PCDHGA2: variants seen among roughly 807,000 people sequenced by gnomAD.
PCDHGA2 encodes the protein protocadherin gamma subfamily A, 2, also known as protocadherin gamma-A2.
A neutral mutation model predicts 59.2 loss-of-function variants in PCDHGA2; 40 were observed. The observed-to-expected ratio is 0.68, with a 90% CI of 0.52 to 0.88. PCDHGA2 has a LOEUF of 0.88. PCDHGA2 is among the 40% of genes least tolerant of loss of function. The pLI, the probability that PCDHGA2 is intolerant of heterozygous loss-of-function variation, is 0.00. For synonymous variants in PCDHGA2, 560 were observed against 526.0 expected, an observed-to-expected ratio of 1.06 and a Z score of -0.89; for missense variants, 1,226 against 1,204.0, an observed-to-expected ratio of 1.02 and a Z score of -0.27.
chr5:141,413,197 T>C (rs1429088178), intron 1 of PCDHGA2: 1 of 1,611,552 alleles, frequency 6.2e-7, no homozygotes, highest in Non-Finnish European at 8.5e-7. Flanking sequence ...AAGGAATCGC[T>C]CAAAGGAATC....
At chr5:141,381,038 T>G (rs1422573690) in intron 1 of PCDHGA2, among the ~76,000 whole-genome samples, 1 of 152,262 alleles carries the variant, frequency 6.6e-6, no homozygotes, top group Non-Finnish European at 1.5e-5. Context: ...TTAAACAAAA[T>G]TTATCTACTT....
At chr5:141,498,220 G>T (rs1562182972) in intron 2 of PCDHGA2, among the ~76,000 whole-genome samples, 1 of 152,222 alleles carries the variant, frequency 6.6e-6, no homozygotes, top group Non-Finnish European at 1.5e-5. Flanking sequence ...GAGCATTCCA[G>T]ATGGTCAGGC....
intron 1 of PCDHGA2, chr5:141,430,974 C>G: frequency 6.2e-7 from 1 of 1,613,072 alleles, no homozygotes; most frequent in East Asian, 2.2e-5. Flanking sequence ...AGAGGTAGGA[C>G]GCAGCTTTTC....
intron 1 of PCDHGA2, chr5:141,410,447 C>T (rs760711107): frequency 3.1e-6 from 5 of 1,613,984 alleles, no homozygotes; most frequent in African/African-American, 2.7e-5. Context: ...GGGGACTTTG[C>T]CTTATTCTTA....
Position 141,489,828 on chromosome 5 carries a change from A to G in PCDHGA2, c.2425-4979A>G. The G allele has an allele frequency of 1.9e-6, 3 of 1,614,010 alleles. No homozygotes were observed. The highest frequency in any genetic ancestry group is 1.1e-5 in the South Asian group (1 of 91,080). ...GGAAGCCATTCCCAGAGCTGGTGCTAGAGCAGCAGCTGGATCGTGAAGCCC... is the reference window on the plus strand; with the variant it reads ...GGAAGCCATTCCCAGAGCTGGTGCTGGAGCAGCAGCTGGATCGTGAAGCCC... On this transcript the variant is annotated intron_variant, in intron 1 of 3. Transcript: ENST00000394576. The surrounding 1 kb of genome is among the most constrained non-coding windows in gnomAD (Gnocchi z 4.5).
At chr5:141,346,231 C>G (rs1258015592) in intron 1 of PCDHGA2, 3 of 1,614,200 alleles carry the variant, frequency 1.9e-6, no homozygotes, top group Non-Finnish European at 2.5e-6. Flanking sequence ...GGCGGCTTGG[C>G]GAGTACGCCC....
chr5:141,489,354 G>A lies in PCDHGA2; in HGVS notation c.2425-5453G>A, dbSNP rs773010251. On this transcript the variant is annotated intron_variant, in intron 1 of 3. Coordinates refer to ENST00000394576, the MANE Select transcript of PCDHGA2 (RefSeq NM_018915.4). The surrounding 1 kb of genome is among the most constrained non-coding windows in gnomAD (Gnocchi z 4.5). ...AGCTTCGTTACTCAGTGGTGGAGGA[G>A]TCTGAGCCGGGGACGCTGGTGGGGA... The A allele has an allele frequency of 1.2e-5, 19 of 1,612,796 alleles. No homozygotes were observed. Among genetic ancestry groups the A allele is most frequent in the East Asian group, 2.2e-5 (1 of 44,868 alleles).
Position 141,443,643 on chromosome 5 carries a change from A to C in PCDHGA2, c.2425-51164A>C, listed in dbSNP as rs188777289. The stretch of plus-strand genomic sequence containing the variant: ...GTGATTGTAAAAATTGATCCAGATA[A>C]TGTTAGCATAGCATTTTACTGAACT... On this transcript the variant is annotated intron_variant, in intron 1 of 3. Coordinates refer to ENST00000394576, the MANE Select transcript of PCDHGA2 (RefSeq NM_018915.4). Among the ~76,000 whole-genome samples, 238 of 152,370 alleles carry C rather than the reference A, an allele frequency of 1.6e-3. 2 individuals are homozygous for C. The highest frequency in any genetic ancestry group is 2.5e-3 in the Non-Finnish European group (169 of 68,028).
chr5:141,345,743 C>T (rs745630768), intron 1 of PCDHGA2: 53 of 1,614,112 alleles, frequency 3.3e-5, no homozygotes, highest in African/African-American at 6.7e-5. Flanking sequence ...TCCCCACAGA[C>T]GGTTCCACTG....
chr5:141,412,233 A>G (rs866840267), intron 1 of PCDHGA2: 4 of 152,256 alleles, frequency 2.6e-5, no homozygotes, highest in Admixed American at 6.5e-5. Context: ...TTAAAAACCT[A>G]TATCACTACA....
chr5:141,412,902 T>G, intron 1 of PCDHGA2: 1 of 371,284 alleles, frequency 2.7e-6, no homozygotes, highest in East Asian at 4.2e-5. Flanking sequence ...TACTTTCCAT[T>G]GCATGTATCA....
chr5:141,375,522 A>C, intron 1 of PCDHGA2: 1 of 1,614,010 alleles, frequency 6.2e-7, no homozygotes, highest in Non-Finnish European at 8.5e-7. Flanking sequence ...CTGGACCCTG[A>C]CGTGGACCAG....
At chr5:141,492,834 G>A (rs544218873) in intron 1 of PCDHGA2, among the ~76,000 whole-genome samples, 7 of 152,214 alleles carry the variant, frequency 4.6e-5, no homozygotes, top group African/African-American at 1.7e-4. Context: ...CCTTCCTCCC[G>A]CAGGAAGTGA....
In PCDHGA2 at chr5:141,344,373, T is replaced by C. The variant is rs201625446; in HGVS notation, c.2424+2978T>C. On this transcript the variant is annotated intron_variant, in intron 1 of 3. Coordinates refer to ENST00000394576, the MANE Select transcript of PCDHGA2 (RefSeq NM_018915.4). ...AATTAACATTCTGGTTGAGGATAAA[T>C]TGAAAATTTTTGAAGTAGAAATAGA... 171 of 1,613,170 alleles carry C rather than the reference T, an allele frequency of 1.1e-4. 1 individual carries two copies. The African/African-American group carries it at 1.5e-3, about 14-fold the overall frequency.
chr5:141,434,820 G>A (rs953824837), intron 1 of PCDHGA2, among the ~76,000 whole-genome samples: 1 of 151,302 alleles, frequency 6.6e-6, no homozygotes, highest in Admixed American at 6.6e-5. Flanking sequence ...ATATCCCTTA[G>A]TACACTTGGC....
At chr5:141,393,592 G>T (rs200863279) in intron 1 of PCDHGA2, 1 of 1,613,908 alleles carries the variant, frequency 6.2e-7, no homozygotes, top group South Asian at 1.1e-5. Flanking sequence ...CCAGGCACGC[G>T]GCTGCTTACT....
At chr5:141,404,000 A>G (rs758512396) in intron 1 of PCDHGA2, 1 of 1,613,956 alleles carries the variant, frequency 6.2e-7, no homozygotes. Flanking sequence ...AGTGACCATT[A>G]CATCTCTGTT....
chr5:141,476,979 G>T lies in PCDHGA2; in HGVS notation c.2425-17828G>T. The T allele has an allele frequency of 1.2e-6, 2 of 1,614,238 alleles. No individual in the cohort carries two copies. The highest frequency in any genetic ancestry group is 1.7e-6 in the Non-Finnish European group (2 of 1,180,042). The stretch of plus-strand genomic sequence containing the variant: ...ATTTACTCCTTCGGCAGCCACAACC[G>T]CGCCGGCGTGCGGCAACTATTCGCC... On this transcript the variant is annotated intron_variant, in intron 1 of 3. Coordinates refer to ENST00000394576, the MANE Select transcript of PCDHGA2 (RefSeq NM_018915.4). This position sits in a 1 kb window ranked among gnomAD's most constrained non-coding sequence, Gnocchi z 7.6.
intron 1 of PCDHGA2, chr5:141,403,303 C>A: frequency 6.2e-7 from 1 of 1,613,820 alleles, no homozygotes; most frequent in African/African-American, 1.3e-5. Context: ...TGAAACTGTA[C>A]GGAATAGAAA....
Sources: gnomAD v4.1 joint callset for allele counts (sites outside exome capture counted in the v4.1 genomes callset) on GRCh38, gnomAD v4.1.1 for gene constraint, Gnocchi (gnomAD v3.1) non-coding constraint, MANE v1.5 for transcripts, NCBI Gene and HGNC (gene_info 2026-07-23, HGNC 2026-07-21) for gene names.